The following COL19A1 variants were observed in gnomAD, a reference collection of about 807,000 sequenced individuals.
The protein encoded by COL19A1 is collagen type XIX alpha 1 chain.
Under a neutral mutation model 190.2 loss-of-function variants are expected in COL19A1, and 159 were observed. That is an observed-to-expected ratio of 0.84 (90% CI 0.73 to 0.95). COL19A1 has a LOEUF of 0.95. Among genes scored for constraint, COL19A1 ranks in the 40% least tolerant of loss-of-function variants. COL19A1 has a pLI of 0.00. For synonymous variants in COL19A1, 509 were observed against 458.9 expected (o/e 1.11, Z -1.39); for missense variants, 1,418 against 1,431.9 (o/e 0.99, Z 0.16).
chr6:69,920,484 C>A (rs1222666046), intron 4 of COL19A1, among the ~76,000 whole-genome samples: 1 of 152,148 alleles, frequency 6.6e-6, no homozygotes, highest in East Asian at 1.9e-4. Context: ...CAGAGATACT[C>A]CAGATTACAT....
At chr6:69,896,352 A>G (rs1238616060) in intron 2 of COL19A1, among the ~76,000 whole-genome samples, 1 of 151,436 alleles carries the variant, frequency 6.6e-6, no homozygotes, top group Non-Finnish European at 1.5e-5. Flanking sequence ...CCTGGCTAAC[A>G]AGGTGAAACC....
At chr6:69,875,108 A>T (rs973226144) in intron 1 of COL19A1, among the ~76,000 whole-genome samples, 1 of 152,256 alleles carries the variant, frequency 6.6e-6, no homozygotes, top group African/African-American at 2.4e-5. Context: ...CTAGAGACCA[A>T]TGTGCTTCTT....
At chr6:70,050,481 TC>T (rs1488476773) in intron 14 of COL19A1, among the ~76,000 whole-genome samples, 8 of 152,024 alleles carry the variant, frequency 5.3e-5, no homozygotes, top group Admixed American at 3.9e-4. Context: ...TACAACTGTA[TC>T]CCCAGAGACT....
chr6:69,911,012 G>A (rs1040485624), intron 4 of COL19A1, among the ~76,000 whole-genome samples: 2 of 152,074 alleles, frequency 1.3e-5, no homozygotes, highest in Admixed American at 6.5e-5. Context: ...TTGATGCTTT[G>A]TTATACTAGT....
intron 16 of COL19A1, among the ~76,000 whole-genome samples, chr6:70,116,864 C>T (rs77268076): frequency 0.012 from 1,884 of 152,208 alleles, 16 homozygotes; most frequent in Non-Finnish European, 0.019. Context: ...AAAGATTGTT[C>T]TTGAATTTAA....
At chr6:69,938,505 A>T (rs1773256599) in intron 9 of COL19A1, among the ~76,000 whole-genome samples, 1 of 151,372 alleles carries the variant, frequency 6.6e-6, no homozygotes, top group African/African-American at 2.4e-5. Context: ...TTTTTTTTTT[A>T]AACGGCCAAC....
chr6:70,183,983 C>G (rs796532201), intron 44 of COL19A1, among the ~76,000 whole-genome samples: 2 of 152,312 alleles, frequency 1.3e-5, no homozygotes, highest in African/African-American at 4.8e-5. Flanking sequence ...ATAGTTCTCT[C>G]AGTCTTATAA....
At chr6:69,922,145 T>A (rs866908948) in intron 4 of COL19A1, among the ~76,000 whole-genome samples, 22 of 152,174 alleles carry the variant, frequency 1.4e-4, no homozygotes, top group Admixed American at 9.8e-4. Flanking sequence ...GATTTTTTTT[T>A]AATATTTTAT....
intron 14 of COL19A1, among the ~76,000 whole-genome samples, chr6:70,049,915 C>G (rs989558861): frequency 6.6e-6 from 1 of 151,872 alleles, no homozygotes; most frequent in African/African-American, 2.4e-5. Context: ...TGTGGTAATG[C>G]CTTATATTGA....
chr6:69,932,856 A>C lies in COL19A1; in HGVS notation c.740A>C (p.Asp247Ala). 1 of 1,597,528 alleles carries C rather than the reference A, an allele frequency of 6.3e-7. No individual in the cohort carries two copies. The highest frequency in any genetic ancestry group is 8.6e-7 in the Non-Finnish European group (1 of 1,167,690). ...IAQETCCEIS[D>A]TKCPEQDGFG... The stretch of plus-strand genomic sequence containing the variant: ...CAAGAAACATGTTGTGAAATATCAG[A>C]TACTAAGGTAAGTTAATTTTCTTTG... The change falls in exon 7 of 51, where the codon GAT (aspartate) becomes GCT (alanine). Residue 247 changes from aspartate to alanine, a missense_variant. Asp to Ala is a moderately radical substitution (Grantham distance 126, BLOSUM62 -2). Transcript: ENST00000620364.
chr6:70,091,536 C>T (rs899282967), intron 15 of COL19A1, among the ~76,000 whole-genome samples: 3 of 139,944 alleles, frequency 2.1e-5, no homozygotes, highest in Admixed American at 7.6e-5. Flanking sequence ...AAAAACACAG[C>T]GAAAAGCCAG....
chr6:69,957,473 A>G (rs1042725147), intron 9 of COL19A1, among the ~76,000 whole-genome samples: 1 of 152,130 alleles, frequency 6.6e-6, no homozygotes, highest in Non-Finnish European at 1.5e-5. Context: ...GCTTTATATT[A>G]CACATATTTA....
intron 11 of COL19A1, among the ~76,000 whole-genome samples, chr6:69,979,818 A>G (rs1461201997): frequency 6.6e-6 from 1 of 151,716 alleles, no homozygotes; most frequent in African/African-American, 2.4e-5. Context: ...AATGGGAAAT[A>G]TTCCATTAAT....
At chr6:70,018,705 G>A (rs761188464) in intron 11 of COL19A1, among the ~76,000 whole-genome samples, 5 of 152,096 alleles carry the variant, frequency 3.3e-5, no homozygotes, top group Non-Finnish European at 7.4e-5. Context: ...CAGGAAACAA[G>A]GGAAAGATAA....
intron 35 of COL19A1, among the ~76,000 whole-genome samples, chr6:70,162,318 G>GAA (rs3840405): frequency 1.2e-4 from 18 of 151,720 alleles, no homozygotes; most frequent in Non-Finnish European, 1.9e-4. Context: ...TTTTCTAAAG[G>GAA]AAAAAAAAGT....
intron 14 of COL19A1, among the ~76,000 whole-genome samples, chr6:70,058,606 CAT>C (rs1455686790): frequency 6.6e-6 from 1 of 151,974 alleles, no homozygotes; most frequent in Non-Finnish European, 1.5e-5. Flanking sequence ...TTTATACAAA[CAT>C]AGAATTCCTT....
intron 1 of COL19A1, among the ~76,000 whole-genome samples, chr6:69,876,048 T>C (rs542936856): frequency 8.6e-5 from 13 of 151,656 alleles, no homozygotes; most frequent in African/African-American, 3.1e-4. Context: ...AAAAGAGAGT[T>C]TCAGGAAGGA....
intron 1 of COL19A1, among the ~76,000 whole-genome samples, chr6:69,877,058 T>G (rs1188694213): frequency 1.3e-5 from 2 of 152,226 alleles, no homozygotes; most frequent in Admixed American, 1.3e-4. Flanking sequence ...GATGGTGGCT[T>G]TAGTTTTTTT....
chr6:70,104,701 G>T (rs576888649), intron 16 of COL19A1, among the ~76,000 whole-genome samples: 12 of 152,306 alleles, frequency 7.9e-5, no homozygotes, highest in African/African-American at 1.2e-4. Context: ...ATTGTTTCAT[G>T]CTTTAAAGAA....
Sources: allele counts gnomAD v4.1 joint callset (sites outside exome capture counted in the v4.1 genomes callset), GRCh38; gene constraint gnomAD v4.1.1; transcripts MANE v1.5; gene names NCBI Gene and HGNC (gene_info 2026-07-23, HGNC 2026-07-21).